Variants in MAP7 observed in about 807,000 individuals in gnomAD.
MAP7 encodes ensconsin.
In MAP7, 52 loss-of-function variants were observed where a neutral mutation model predicts 94.8. The observed-to-expected ratio is 0.55, with a 90% CI of 0.44 to 0.69. The LOEUF (loss-of-function observed/expected upper bound fraction) is 0.69, where lower values mean the gene tolerates loss of function less well. Ranked by LOEUF, MAP7 falls within the 30% of genes least tolerant of loss-of-function variation. The pLI is 0.00. For synonymous variants in MAP7, 350 were observed against 357.0 expected (o/e 0.98, Z 0.22); for missense variants, 940 against 964.6 (o/e 0.97, Z 0.34).
chr6:136,468,993 T>G (rs537297209), intron 1 of MAP7, among the ~76,000 whole-genome samples: 52 of 144,450 alleles, frequency 3.6e-4, no homozygotes, highest in African/African-American at 1.3e-3. Flanking sequence ...TTTTTTGTTG[T>G]TTTTTTTTTT....
At chr6:136,455,434 C>G (rs1562420520) in intron 1 of MAP7, among the ~76,000 whole-genome samples, 1 of 151,896 alleles carries the variant, frequency 6.6e-6, no homozygotes, top group Admixed American at 6.6e-5. Flanking sequence ...AACAAACAGA[C>G]AGAAAATCAA....
At chr6:136,397,944 G>A (rs1457875850) in intron 3 of MAP7, among the ~76,000 whole-genome samples, 1 of 152,108 alleles carries the variant, frequency 6.6e-6, no homozygotes, top group Non-Finnish European at 1.5e-5. Flanking sequence ...ATTTATCCCT[G>A]GCCTATGGGA....
rs1399074813 is a variant in MAP7, at chr6:136,420,164, T to C, written c.166+1537A>G. ...GAAAGTATTTTTGGCACCATCTTCA[T>C]TGTTATCTGCAGTGGGCCCCCAGAT... On this transcript the variant is annotated intron_variant, in intron 2 of 17. Transcript: ENST00000354570. The C allele has an allele frequency of 7.5e-6, 7 of 934,930 alleles. No individual in the cohort carries two copies. In the Middle Eastern group the frequency reaches 1.3e-3, roughly 168 times the overall value. The allele number at this position is 934,930 out of a possible 1,614,324, so 57.9% of individuals were successfully genotyped here. A position where few individuals can be genotyped will look rare whatever the true frequency, so the allele number is the denominator to read the frequency against.
chr6:136,409,066 G>A (rs1427926904), intron 3 of MAP7, among the ~76,000 whole-genome samples: 2 of 151,574 alleles, frequency 1.3e-5, no homozygotes, highest in Non-Finnish European at 2.9e-5. Flanking sequence ...AAAAAAATAG[G>A]CAAAAAGGCA....
Position 136,535,484 on chromosome 6 carries a change from A to G in MAP7, c.67+14858T>C, listed in dbSNP as rs112617447. The stretch of plus-strand genomic sequence containing the variant: ...TTCTGACAAAAGAAAAAAAAATTAC[A>G]TACAATTCTCCAGCATAGTTCTGAA... On this transcript the variant is annotated intron_variant, in intron 1 of 17. Coordinates refer to ENST00000354570, the MANE Select transcript of MAP7 (RefSeq NM_003980.6). Among the ~76,000 whole-genome samples, 59 of 152,320 alleles carry G rather than the reference A, an allele frequency of 3.9e-4. 1 individual carries two copies. The highest frequency in any genetic ancestry group is 1.3e-3 in the African/African-American group (55 of 41,566).
At chr6:136,467,454 A>C (rs751294721) in intron 1 of MAP7, among the ~76,000 whole-genome samples, 2 of 152,190 alleles carry the variant, frequency 1.3e-5, no homozygotes, top group Non-Finnish European at 2.9e-5. Context: ...AAAGTCCAAA[A>C]ACTTGACTTG....
chr6:136,387,927 C>T (rs1423501656), intron 5 of MAP7, among the ~76,000 whole-genome samples: 1 of 152,114 alleles, frequency 6.6e-6, no homozygotes, highest in Non-Finnish European at 1.5e-5. Context: ...CTATTTCTAG[C>T]TCAATAAACC....
At position 136,424,660 on chromosome 6, in the gene MAP7, C is replaced by T. The variant is rs142943367; in HGVS notation, c.68-2861G>A. 8.5e-4 allele frequency among the ~76,000 whole-genome samples: 130 copies of T among 152,320 alleles called. 1 individual carries two copies. Among genetic ancestry groups the T allele is most frequent in the African/African-American group, 3.0e-3 (125 of 41,568 alleles). On this transcript the variant is annotated intron_variant, in intron 1 of 17. Transcript: ENST00000354570. ...TCACTGATTCCTTCCAACGTCTTCCCACAAAGGCCTTGGTGTTCTCATGGC... is the reference window on the plus strand; with the variant it reads ...TCACTGATTCCTTCCAACGTCTTCCTACAAAGGCCTTGGTGTTCTCATGGC...
chr6:136,493,035 GTTATAC>G (rs1401997099), intron 1 of MAP7, among the ~76,000 whole-genome samples: 2 of 149,268 alleles, frequency 1.3e-5, no homozygotes, highest in Non-Finnish European at 3.0e-5. Context: ...CCATAAAACT[GTTATAC>G]TTAATAGTGC....
chr6:136,344,298 C>T, intron 17 of MAP7, 60 bp from the exon 18 acceptor site: 1 of 818,446 alleles, frequency 1.2e-6, no homozygotes, highest in Non-Finnish European at 1.8e-6. Context: ...AATCTTATTT[C>T]AAGAATACCA....
At chr6:136,541,377 G>A (rs1021035561) in intron 1 of MAP7, among the ~76,000 whole-genome samples, 27 of 152,202 alleles carry the variant, frequency 1.8e-4, no homozygotes, top group African/African-American at 6.5e-4. Flanking sequence ...TTTATACTCA[G>A]AGGTTATGCC....
chr6:136,509,023 A>G (rs1277141211), intron 1 of MAP7, among the ~76,000 whole-genome samples: 1 of 152,228 alleles, frequency 6.6e-6, no homozygotes, highest in Non-Finnish European at 1.5e-5. Flanking sequence ...CTGTTCTCCT[A>G]AAGTAAAAAG....
At chr6:136,391,643 C>G (rs1489686050) in intron 3 of MAP7, among the ~76,000 whole-genome samples, 1 of 132,144 alleles carries the variant, frequency 7.6e-6, no homozygotes, top group East Asian at 2.7e-4. Context: ...CATATAATCT[C>G]TCAAAAAATA....
intron 1 of MAP7, among the ~76,000 whole-genome samples, chr6:136,440,602 T>A (rs1797553433): frequency 6.6e-6 from 1 of 152,192 alleles, no homozygotes; most frequent in South Asian, 2.1e-4. Context: ...TAAAATAGGA[T>A]TTTTTTCTCA....
At chr6:136,475,980 A>T (rs1475552282) in intron 1 of MAP7, 1 of 152,202 alleles carries the variant, frequency 6.6e-6, no homozygotes, top group Non-Finnish European at 1.5e-5. Flanking sequence ...CTATGAAACC[A>T]TCAAATTGTA....
At chr6:136,366,214 C>G in intron 9 of MAP7, 113 bp downstream of exon 9, 2 of 1,064,268 alleles carry the variant, frequency 1.9e-6, no homozygotes, top group Non-Finnish European at 2.8e-6. Context: ...GGGAAGAATG[C>G]TATTCCCTAA....
chr6:136,533,831 C>A (rs936717802), intron 1 of MAP7, among the ~76,000 whole-genome samples: 2 of 152,166 alleles, frequency 1.3e-5, no homozygotes, highest in African/African-American at 4.8e-5. Context: ...AGATCGGCTC[C>A]CATGGCCCAG....
In MAP7 at chr6:136,362,545, C is replaced by T. The variant is rs767700691; in HGVS notation, c.1431G>A (p.Glu477=). ...TCTCAGCTAGAAGCCTTGTGGCCTCCTCTGGGTCGGTGGTGCCTGCAGAAG... is the reference window on the plus strand; with the variant it reads ...TCTCAGCTAGAAGCCTTGTGGCCTCTTCTGGGTCGGTGGTGCCTGCAGAAG... ...VKTSAGTTDP[E]EATRLLAEKR... The change falls in exon 11 of 18, where the codon GAG becomes GAA. Residue 477 remains glutamate (E), a synonymous_variant. Transcript: ENST00000354570. 16 of 1,614,016 alleles carry T rather than the reference C, an allele frequency of 9.9e-6. No individual in the cohort carries two copies. The East Asian group carries it at 3.6e-4, about 36-fold the overall frequency.
intron 7 of MAP7, among the ~76,000 whole-genome samples, chr6:136,374,701 A>C: frequency 6.6e-6 from 1 of 152,200 alleles, no homozygotes; most frequent in East Asian, 1.9e-4. Flanking sequence ...CATGATACTA[A>C]ATATGGGTTG....
Sources: allele counts gnomAD v4.1 joint callset (sites outside exome capture counted in the v4.1 genomes callset), GRCh38; gene constraint gnomAD v4.1.1; transcripts MANE v1.5; gene names NCBI Gene and HGNC (gene_info 2026-07-23, HGNC 2026-07-21).